Variants in GPC6 observed in about 807,000 individuals in gnomAD.
The protein encoded by GPC6 is glypican 6.
GPC6 carries 14 observed loss-of-function variants against 55.2 expected under a neutral mutation model. That is an observed-to-expected ratio of 0.25 (90% CI 0.17 to 0.40). The LOEUF is 0.40. GPC6 is among the 10% of genes least tolerant of loss of function. The probability of loss-of-function intolerance (pLI) is 1.00; values close to 1 mark genes in which losing one functional copy is unlikely to be tolerated. For synonymous variants in GPC6, 278 were observed against 259.6 expected, an observed-to-expected ratio of 1.07 and a Z score of -0.68; for missense variants, 641 against 708.5, an observed-to-expected ratio of 0.90 and a Z score of 1.08.
rs542006424 is a variant in GPC6, at chr13:94,068,779, C to A, written c.877+40885C>A. 4.6e-5 allele frequency among the ~76,000 whole-genome samples: 7 copies of A among 152,324 alleles called. No individual in the cohort carries two copies. The South Asian group carries it at 1.4e-3, about 32-fold the overall frequency. On this transcript the variant is annotated intron_variant, in intron 4 of 8. Coordinates refer to ENST00000377047, the MANE Select transcript of GPC6 (RefSeq NM_005708.5). ...AATGATCTCCTTTGACTCTATGTCT[C>A]ACATCCAGGTCACACTGATGGAAGA...
chr13:94,294,125 T>C (rs2139096144), intron 5 of GPC6, among the ~76,000 whole-genome samples: 1 of 152,278 alleles, frequency 6.6e-6, no homozygotes, highest in South Asian at 2.1e-4. Context: ...AGAAAAAACC[T>C]GAATCTCTGC....
In GPC6 at chr13:94,026,953, G is replaced by A. The variant is rs576575353; in HGVS notation, c.712-776G>A. Among the ~76,000 whole-genome samples the A allele has an allele frequency of 5.9e-5, 9 of 152,290 alleles. No individual in the cohort carries two copies. In the East Asian group the frequency reaches 9.6e-4, roughly 16 times the overall value. ...GGGGATTATGGAAACTATAATTCACGATGAGATTTGGGTGGGGACCATATC... is the reference window on the plus strand; with the variant it reads ...GGGGATTATGGAAACTATAATTCACAATGAGATTTGGGTGGGGACCATATC... On this transcript the variant is annotated intron_variant, in intron 3 of 8. Coordinates refer to ENST00000377047, the MANE Select transcript of GPC6 (RefSeq NM_005708.5).
intron 4 of GPC6, among the ~76,000 whole-genome samples, chr13:94,206,758 T>C (rs1303057714): frequency 6.6e-6 from 1 of 152,064 alleles, no homozygotes; most frequent in African/African-American, 2.4e-5. Context: ...CAGGCTGTGG[T>C]GGGAGGATCA....
Position 93,788,556 on chromosome 13 carries a change from GA to G in GPC6, c.320-41597del, listed in dbSNP as rs149758755. Among the ~76,000 whole-genome samples, 826 of 129,790 alleles carry G rather than the reference GA, an allele frequency of 6.4e-3. 6 individuals are homozygous for G. The highest frequency in any genetic ancestry group is 0.021 in the African/African-American group (759 of 36,398). The allele number at this position is 129,790 out of a possible 152,430, so 85.1% of individuals were successfully genotyped here. A position where few individuals can be genotyped will look rare whatever the true frequency, so the allele number is the denominator to read the frequency against. ...ACACACACACACACCTTGTCTGCTT[GA>G]CAAAATCTCTTTTATCCTTCAGATT... is the stretch of plus-strand genomic sequence containing the variant. On this transcript the variant is annotated intron_variant, in intron 2 of 8. Coordinates refer to ENST00000377047, the MANE Select transcript of GPC6 (RefSeq NM_005708.5).
chr13:93,814,729 A>G (rs111902114), intron 2 of GPC6, among the ~76,000 whole-genome samples: 17 of 152,336 alleles, frequency 1.1e-4, no homozygotes, highest in African/African-American at 4.1e-4. Flanking sequence ...AACCTATTTG[A>G]ATTTTATTAT....
chr13:93,809,607 T>C (rs1419161493), intron 2 of GPC6, among the ~76,000 whole-genome samples: 1 of 152,220 alleles, frequency 6.6e-6, no homozygotes, highest in Admixed American at 6.5e-5. Flanking sequence ...TGCACATATG[T>C]GCCCACTACC....
chr13:94,283,120 T>C (rs921875427), intron 4 of GPC6, among the ~76,000 whole-genome samples: 3 of 152,228 alleles, frequency 2.0e-5, no homozygotes, highest in African/African-American at 7.2e-5. Context: ...TTATTCCTCA[T>C]AGCAATTGCT....
At chr13:94,205,014 A>C (rs17175182) in intron 4 of GPC6, among the ~76,000 whole-genome samples, 20,099 of 152,194 alleles carry the variant, frequency 0.13, 1,398 homozygotes, top group South Asian at 0.23. Context: ...ATCAAATAAT[A>C]ATCTTTTTCA....
At position 94,398,559 on chromosome 13, in the gene GPC6, A is replaced by G. The variant is rs1880996092; in HGVS notation, c.1383A>G (p.Arg461=). The G allele has an allele frequency of 6.2e-7, 1 of 1,613,914 alleles. No homozygotes were observed. The highest frequency in any genetic ancestry group is 2.2e-5 in the East Asian group (1 of 44,886). Residue 461 remains arginine, a synonymous_variant, in exon 8 of 9, where the codon AGA becomes AGG. Coordinates refer to ENST00000377047, the MANE Select transcript of GPC6 (RefSeq NM_005708.5). ...VDITRPDTFI[R]QQIMALRVMT... ...TCACTCGGCCTGACACTTTCATCAG[A>G]CAGCAGATTATGGCTCTCCGTGTGA...
chr13:93,298,531 C>A (rs1201430159), intron 1 of GPC6, among the ~76,000 whole-genome samples: 1 of 152,118 alleles, frequency 6.6e-6, no homozygotes, highest in African/African-American at 2.4e-5. Flanking sequence ...ACTTCCTGGG[C>A]TTAAGCGATC....
intron 2 of GPC6, among the ~76,000 whole-genome samples, chr13:93,566,458 CCTT>C (rs55783827): frequency 0.57 from 85,912 of 151,568 alleles, 26,351 homozygotes; most frequent in Non-Finnish European, 0.69. Flanking sequence ...GGGAATCCCT[CCTT>C]CTCTTCAGAG....
At chr13:93,432,315 T>C (rs1232585433) in intron 1 of GPC6, among the ~76,000 whole-genome samples, 1 of 152,072 alleles carries the variant, frequency 6.6e-6, no homozygotes, top group Non-Finnish European at 1.5e-5. Context: ...GCCAACTCTT[T>C]GGTGAGAAAC....
chr13:93,842,749 T>A (rs1260860941), intron 3 of GPC6, among the ~76,000 whole-genome samples: 5 of 152,086 alleles, frequency 3.3e-5, no homozygotes, highest in African/African-American at 4.8e-5. Context: ...GATATTTATT[T>A]TTTGTTGGTG....
intron 2 of GPC6, among the ~76,000 whole-genome samples, chr13:93,771,928 G>A (rs1885314378): frequency 6.6e-6 from 1 of 152,166 alleles, no homozygotes; most frequent in African/African-American, 2.4e-5. Context: ...TGTTCTGCCT[G>A]CTGAAGATTA....
intron 2 of GPC6, among the ~76,000 whole-genome samples, chr13:93,804,044 G>T (rs187386174): frequency 6.6e-6 from 1 of 152,128 alleles, no homozygotes; most frequent in African/African-American, 2.4e-5. Context: ...TAAAAACATT[G>T]AATTTTATAA....
At chr13:94,237,727 A>G (rs1890922546) in intron 4 of GPC6, among the ~76,000 whole-genome samples, 1 of 152,092 alleles carries the variant, frequency 6.6e-6, no homozygotes, top group African/African-American at 2.4e-5. Flanking sequence ...TGAATAAAAA[A>G]ACGTAGGTGG....
At position 93,668,287 on chromosome 13, in the gene GPC6, C is replaced by T. The variant is rs914656345; in HGVS notation, c.319+122866C>T. The stretch of plus-strand genomic sequence containing the variant: ...TTCTTTCCCTTCCTTATTAAAATAG[C>T]CAAAATGTTCCTTTAATTGTGTAAA... On this transcript the variant is annotated intron_variant, in intron 2 of 8. Transcript: ENST00000377047. 1.6e-4 allele frequency among the ~76,000 whole-genome samples: 24 copies of T among 152,232 alleles called. 1 individual carries two copies. Among genetic ancestry groups the T allele is most frequent in the African/African-American group, 5.5e-4 (23 of 41,548 alleles).
At chr13:93,557,721 G>A (rs2139453793) in intron 2 of GPC6, among the ~76,000 whole-genome samples, 1 of 152,318 alleles carries the variant, frequency 6.6e-6, no homozygotes, top group South Asian at 2.1e-4. Flanking sequence ...CCACGACTTA[G>A]CTTCTGTCTG....
intron 4 of GPC6, among the ~76,000 whole-genome samples, chr13:94,270,780 A>G (rs911804119): frequency 5.3e-5 from 8 of 152,114 alleles, no homozygotes; most frequent in Non-Finnish European, 4.4e-5. Context: ...ATACCACTGC[A>G]TTCTCAAAAT....
Sources: allele counts gnomAD v4.1 joint callset (sites outside exome capture counted in the v4.1 genomes callset), GRCh38; gene constraint gnomAD v4.1.1; transcripts MANE v1.5; gene names NCBI Gene and HGNC (gene_info 2026-07-23, HGNC 2026-07-21).